Variants in FBXL20 observed in about 807,000 individuals in gnomAD.
FBXL20 encodes the protein F-box/LRR-repeat protein 20.
In FBXL20, 11 loss-of-function variants were observed where a neutral mutation model predicts 64.0. The observed-to-expected ratio is 0.17, with a 90% CI of 0.11 to 0.28. The LOEUF is 0.28. FBXL20 is among the 10% of genes least tolerant of loss of function. FBXL20 has a pLI of 1.00. For missense variants in FBXL20, 303 were observed against 526.2 expected, an observed-to-expected ratio of 0.58 and a Z score of 4.15; for synonymous variants, 184 against 189.0, an observed-to-expected ratio of 0.97 and a Z score of 0.22.
At chr17:39,373,557 G>C (rs552356375) in intron 1 of FBXL20, among the ~76,000 whole-genome samples, 234 of 152,192 alleles carry the variant, frequency 1.5e-3, no homozygotes, top group African/African-American at 5.3e-3. Flanking sequence ...TTCTCCATTT[G>C]TCTAGAAATT....
At position 39,254,257 on chromosome 17, in the gene FBXL20, G is replaced by A. The variant is rs1425922222; in HGVS notation, c.*7203C>T. 1 of 152,196 alleles carries A rather than the reference G, an allele frequency of 6.6e-6. No homozygotes were observed. The highest frequency in any genetic ancestry group is 6.5e-5 in the Admixed American group (1 of 15,286). The allele number at this position is 152,196 out of a possible 1,614,324, so 9.4% of individuals were successfully genotyped here. A position where few individuals can be genotyped will look rare whatever the true frequency, so the allele number is the denominator to read the frequency against. ...AGATGGGGTTTCACCATGTTGGCCA[G>A]GCTGTTCTCAAACTCCTGACACTTT... On this transcript the variant is annotated 3_prime_UTR_variant, in exon 15 of 15. Coordinates refer to ENST00000264658, the MANE Select transcript of FBXL20 (RefSeq NM_032875.3).
chr17:39,375,898 T>G (rs184210448), intron 1 of FBXL20, among the ~76,000 whole-genome samples: 138 of 152,114 alleles, frequency 9.1e-4, no homozygotes, highest in African/African-American at 3.2e-3. Flanking sequence ...GGCGGGCAGA[T>G]CACGAGGTCA....
chr17:39,394,045 T>C (rs2048159541), intron 1 of FBXL20, among the ~76,000 whole-genome samples: 1 of 152,074 alleles, frequency 6.6e-6, no homozygotes, highest in African/African-American at 2.4e-5. Context: ...TCTGAGCCAA[T>C]ATTTGGGTGG....
chr17:39,349,792 C>G (rs1033686401), intron 1 of FBXL20, among the ~76,000 whole-genome samples: 3 of 151,896 alleles, frequency 2.0e-5, no homozygotes, highest in Admixed American at 6.6e-5. Flanking sequence ...AAAAATTAGC[C>G]GGGCATGGTG....
At chr17:39,315,382 G>A (rs1434091768) in intron 2 of FBXL20, among the ~76,000 whole-genome samples, 2 of 109,130 alleles carry the variant, frequency 1.8e-5, no homozygotes, top group African/African-American at 9.6e-5. Context: ...AATGGGCAAA[G>A]TTTAAATAAT....
At chr17:39,377,663 G>C (rs572201184) in intron 1 of FBXL20, among the ~76,000 whole-genome samples, 1 of 152,004 alleles carries the variant, frequency 6.6e-6, no homozygotes, top group Non-Finnish European at 1.5e-5. Context: ...ACCACGCCCG[G>C]CTAATTTTTT....
At chr17:39,264,953 A>T (rs1457781959) in intron 13 of FBXL20, among the ~76,000 whole-genome samples, 2 of 152,230 alleles carry the variant, frequency 1.3e-5, no homozygotes, top group Non-Finnish European at 2.9e-5. Context: ...ACAACAGAAC[A>T]GTCACTCAGA....
At chr17:39,362,021 C>T (rs563364777) in intron 1 of FBXL20, among the ~76,000 whole-genome samples, 2 of 150,250 alleles carry the variant, frequency 1.3e-5, no homozygotes, top group Non-Finnish European at 3.0e-5. Flanking sequence ...GGCATGGTGG[C>T]TGATACCTGT....
intron 1 of FBXL20, among the ~76,000 whole-genome samples, chr17:39,370,668 G>A (rs1383125069): frequency 2.0e-5 from 3 of 150,218 alleles, no homozygotes; most frequent in Non-Finnish European, 3.0e-5. Context: ...GGTAGCGGGC[G>A]CCTGTAGTCC....
At chr17:39,324,078 C>T (rs1224140558) in intron 2 of FBXL20, among the ~76,000 whole-genome samples, 1 of 143,502 alleles carries the variant, frequency 7.0e-6, no homozygotes, top group Non-Finnish European at 1.5e-5. Context: ...CGTGCCTGGC[C>T]TATACTTCTG....
intron 1 of FBXL20, among the ~76,000 whole-genome samples, chr17:39,383,926 T>C (rs1265261504): frequency 1.3e-5 from 2 of 152,138 alleles, no homozygotes; most frequent in South Asian, 4.2e-4. Context: ...AATTTATTCA[T>C]GTAAATTTTA....
chr17:39,348,490 G>C (rs2047655985), intron 1 of FBXL20, among the ~76,000 whole-genome samples: 2 of 151,930 alleles, frequency 1.3e-5, no homozygotes, highest in Admixed American at 1.3e-4. Context: ...TGGAGTCTCA[G>C]TATGTTGACC....
chr17:39,374,320 G>C (rs2047946561), intron 1 of FBXL20, among the ~76,000 whole-genome samples: 1 of 152,100 alleles, frequency 6.6e-6, no homozygotes, highest in African/African-American at 2.4e-5. Flanking sequence ...CTTGAGGTTG[G>C]GAGTTTGAAA....
At chr17:39,362,279 C>T (rs895192148) in intron 1 of FBXL20, among the ~76,000 whole-genome samples, 2 of 150,562 alleles carry the variant, frequency 1.3e-5, no homozygotes, top group African/African-American at 2.4e-5. Context: ...GGCAACAGAG[C>T]GAGACTCCGT....
intron 2 of FBXL20, among the ~76,000 whole-genome samples, chr17:39,320,754 C>G (rs1006703937): frequency 2.0e-5 from 3 of 152,018 alleles, no homozygotes; most frequent in African/African-American, 7.2e-5. Context: ...ACAACCATAT[C>G]TGGCTAATTT....
At chr17:39,316,750 C>A (rs1243646597) in intron 2 of FBXL20, among the ~76,000 whole-genome samples, 1 of 152,204 alleles carries the variant, frequency 6.6e-6, no homozygotes, top group East Asian at 1.9e-4. Flanking sequence ...CTTTGGGAGG[C>A]CAAGGCGGGG....
intron 6 of FBXL20, among the ~76,000 whole-genome samples, chr17:39,288,647 C>T (rs748801464): frequency 6.6e-6 from 1 of 151,806 alleles, no homozygotes; most frequent in African/African-American, 2.4e-5. Flanking sequence ...AATTTTTTCC[C>T]CCTCAGACAA....
chr17:39,401,819 C>A, upstream of FBXL20: 2 of 650,566 alleles, frequency 3.1e-6, no homozygotes, highest in Non-Finnish European at 2.0e-6. Context: ...CGGGAGCAGC[C>A]GGTGCGCGGC....
At chr17:39,300,354 C>T (rs1236296563) in intron 4 of FBXL20, among the ~76,000 whole-genome samples, 1 of 152,062 alleles carries the variant, frequency 6.6e-6, no homozygotes, top group African/African-American at 2.4e-5. Context: ...CCTTAAGAAG[C>T]CATGAAGAAG....
Sources: allele counts gnomAD v4.1 joint callset (sites outside exome capture counted in the v4.1 genomes callset), GRCh38; gene constraint gnomAD v4.1.1; transcripts MANE v1.5; gene names NCBI Gene and HGNC (gene_info 2026-07-23, HGNC 2026-07-21).